The following FN1 variants were observed in gnomAD, a reference collection of about 807,000 sequenced individuals.
FN1 encodes fibronectin.
In FN1, 106 loss-of-function variants were observed where a neutral mutation model predicts 297.3. The observed-to-expected ratio is 0.36, with a 90% CI of 0.30 to 0.42. The LOEUF is 0.42. Among genes scored for constraint, FN1 ranks in the 10% least tolerant of loss-of-function variants. The pLI is 1.00. For synonymous variants in FN1, 1,149 were observed against 1,152.6 expected, an observed-to-expected ratio of 1.00 and a Z score of 0.06; for missense variants, 2,690 against 3,124.9, an observed-to-expected ratio of 0.86 and a Z score of 3.32.
chr2:215,427,407 A>G (rs1164449973), intron 6 of FN1, among the ~76,000 whole-genome samples: 1 of 152,244 alleles, frequency 6.6e-6, no homozygotes, highest in Non-Finnish European at 1.5e-5. Context: ...CATATTAAAA[A>G]TAATGAGAGG....
In FN1 at chr2:215,364,957, C is replaced by T; in HGVS notation, c.7173G>A (p.Lys2391=). 2 of 1,580,776 alleles carry T rather than the reference C, an allele frequency of 1.3e-6. No homozygotes were observed. The highest frequency in any genetic ancestry group is 1.7e-6 in the Non-Finnish European group (2 of 1,162,038). ...GCCACTGTTCTCCTACGTGGTATGTCTTCCCATCATCATAACACGTTGCCT... is the reference window on the plus strand; with the variant it reads ...GCCACTGTTCTCCTACGTGGTATGTTTTCCCATCATCATAACACGTTGCCT... ...PHEATCYDDG[K]TYHVGEQWQK... Residue 2391 remains lysine, a synonymous_variant, in exon 44 of 46, where the codon AAG becomes AAA. Transcript: ENST00000354785.
chr2:215,394,223 G>C (rs149853867), intron 24 of FN1, among the ~76,000 whole-genome samples: 2 of 152,292 alleles, frequency 1.3e-5, no homozygotes, highest in East Asian at 3.9e-4. Flanking sequence ...GTACAGACAC[G>C]TGACAGTGTT....
chr2:215,367,953 C>G lies in FN1; in HGVS notation c.6928G>C (p.Asp2310His), dbSNP rs2054975119. 1 of 1,614,150 alleles carries G rather than the reference C, an allele frequency of 6.2e-7. No homozygotes were observed. Among genetic ancestry groups the G allele is most frequent in the African/African-American group, 1.3e-5 (1 of 75,066 alleles). The change falls in exon 42 of 46, where the codon GAT becomes CAT. Residue 2310 changes from aspartate (D) to histidine (H), a missense_variant. Coordinates refer to ENST00000354785, the MANE Select transcript of FN1 (RefSeq NM_212482.4). The stretch of plus-strand genomic sequence containing the variant: ...GATTCAGACATTCGTTCCCACTCAT[C>G]TCCAACGGCATAATGGGAAACTGTG... ...PYTVSHYAVGDEWERMSESGF... is the reference protein window; with the variant it reads ...PYTVSHYAVGHEWERMSESGF...
chr2:215,375,082 G>A (rs2106285334), intron 38 of FN1, 132 bp downstream of exon 38: 1 of 923,224 alleles, frequency 1.1e-6, no homozygotes, highest in East Asian at 2.4e-5. Context: ...CACAGAGAAT[G>A]CTTTTTGAGG....
chr2:215,419,899 A>G (rs530318790), intron 11 of FN1, among the ~76,000 whole-genome samples: 9 of 152,348 alleles, frequency 5.9e-5, no homozygotes, highest in Admixed American at 2.0e-4. Flanking sequence ...TCTCACGTCA[A>G]ACAAACGGAT....
chr2:215,415,076 A>G lies in FN1; in HGVS notation c.1820-118T>C, dbSNP rs1023745660. On this transcript the variant is annotated intron_variant, in intron 12 of 45. Coordinates refer to ENST00000354785, the MANE Select transcript of FN1 (RefSeq NM_212482.4). ...TTGCTTGTCGTTAAATGTGAGTATAATAAAATTATCTGGCATTAATCTTTT... is the reference window on the plus strand; with the variant it reads ...TTGCTTGTCGTTAAATGTGAGTATAGTAAAATTATCTGGCATTAATCTTTT... 7 of 739,022 alleles carry G rather than the reference A, an allele frequency of 9.5e-6. No individual in the cohort carries two copies. In the African/African-American group the frequency reaches 1.0e-4, roughly 11 times the overall value. 45.8% of individuals were successfully genotyped at this position (739,022 alleles called of 1,614,324 possible). A position where few individuals can be genotyped will look rare whatever the true frequency, so the allele number is the denominator to read the frequency against.
intron 10 of FN1, among the ~76,000 whole-genome samples, chr2:215,421,874 G>C (rs2064448369): frequency 6.6e-6 from 1 of 152,300 alleles, no homozygotes; most frequent in East Asian, 1.9e-4. Context: ...TACATGCTAG[G>C]AGTGTTTCAG....
intron 21 of FN1, 139 bp from the exon 22 acceptor site, chr2:215,397,987 G>A (rs1409818880): frequency 2.5e-6 from 2 of 795,320 alleles, no homozygotes; most frequent in African/African-American, 1.7e-5. Context: ...AAATGATTTG[G>A]GGACTCTTTT....
chr2:215,410,782 C>T (rs1424006682), intron 13 of FN1, among the ~76,000 whole-genome samples: 1 of 152,186 alleles, frequency 6.6e-6, no homozygotes, highest in African/African-American at 2.4e-5. Flanking sequence ...GCTGGGATTA[C>T]AAGCGTGAGC....
At chr2:215,427,619 G>A (rs749136575) in intron 6 of FN1, among the ~76,000 whole-genome samples, 2 of 152,056 alleles carry the variant, frequency 1.3e-5, no homozygotes, top group African/African-American at 4.8e-5. Context: ...AAATAATTGT[G>A]TGTTACTTTA....
chr2:215,410,207 T>C, intron 13 of FN1, 93 bp from the exon 14 acceptor site: 1 of 1,358,810 alleles, frequency 7.4e-7, no homozygotes. Flanking sequence ...CAAAGAAAAA[T>C]GACTTAAGCA....
At chr2:215,422,774 A>G (rs16854041) in intron 9 of FN1, among the ~76,000 whole-genome samples, 40,463 of 152,072 alleles carry the variant, frequency 0.27, 5,630 homozygotes, top group African/African-American at 0.33. Flanking sequence ...AAGGGAATCT[A>G]TGGGGTTCTT....
chr2:215,392,947 T>C lies in FN1; in HGVS notation c.4053A>G (p.Thr1351=), dbSNP rs1037871963. ...AAAATTCACCCGTTTGTTGTGTCAG[T>C]GTAGTAGGGGCACTCTCGCCGCCAT... is the stretch of plus-strand genomic sequence containing the variant. ...LINGGESAPT[T]LTQQTAVPPP... is the part of the protein sequence containing the mutation. Residue 1351 remains threonine (T), a synonymous_variant, in exon 25 of 46, where the codon ACA becomes ACG. Transcript: ENST00000354785. The C allele has an allele frequency of 1.1e-5, 18 of 1,612,578 alleles. No individual in the cohort carries two copies. The highest frequency in any genetic ancestry group is 2.0e-4 in the Middle Eastern group (1 of 4,920).
chr2:215,429,399 G>T (rs1183928045), intron 5 of FN1, among the ~76,000 whole-genome samples: 2 of 152,276 alleles, frequency 1.3e-5, no homozygotes, highest in African/African-American at 4.8e-5. Context: ...ATCCAAATTT[G>T]CTCTGTGCCA....
chr2:215,423,163 A>T (rs1430800315), intron 9 of FN1, among the ~76,000 whole-genome samples, 187 bp downstream of exon 9: 1 of 145,314 alleles, frequency 6.9e-6, no homozygotes, highest in Non-Finnish European at 1.5e-5. Flanking sequence ...CCCAATCCTT[A>T]TGTATATGAT....
At chr2:215,410,445 G>C (rs1394807087) in intron 13 of FN1, among the ~76,000 whole-genome samples, 1 of 151,726 alleles carries the variant, frequency 6.6e-6, no homozygotes, top group Non-Finnish European at 1.5e-5. Flanking sequence ...TTTACAGACG[G>C]AAAAACAGAG....
chr2:215,416,603 C>T (rs1372378766), intron 12 of FN1, among the ~76,000 whole-genome samples: 8 of 152,130 alleles, frequency 5.3e-5, no homozygotes, highest in African/African-American at 1.7e-4. Context: ...ATAAATCCTA[C>T]TACAATTTCC....
intron 13 of FN1, among the ~76,000 whole-genome samples, chr2:215,411,028 C>T (rs2062549482): frequency 6.6e-6 from 1 of 152,186 alleles, no homozygotes; most frequent in African/African-American, 2.4e-5. Context: ...CTTTGTGACT[C>T]ATCATATACC....
At chr2:215,412,397 A>G (rs769950328) in intron 13 of FN1, among the ~76,000 whole-genome samples, 2 of 152,140 alleles carry the variant, frequency 1.3e-5, no homozygotes, top group Non-Finnish European at 2.9e-5. Context: ...ACAATAAGTC[A>G]TATTTACAGA....
Sources: gnomAD v4.1 joint callset for allele counts (sites outside exome capture counted in the v4.1 genomes callset) on GRCh38, gnomAD v4.1.1 for gene constraint, MANE v1.5 for transcripts, NCBI Gene and HGNC (gene_info 2026-07-23, HGNC 2026-07-21) for gene names.